Variants in FEZ2 observed in about 807,000 individuals in gnomAD.
FEZ2 encodes the protein fasciculation and elongation protein zeta-2.
FEZ2 carries 51 observed loss-of-function variants against 40.4 expected under a neutral mutation model. The observed-to-expected ratio is 1.26, with a 90% CI of 1.01 to 1.59. The LOEUF (loss-of-function observed/expected upper bound fraction) is 1.59. Among genes scored for constraint, FEZ2 ranks in the 40% most tolerant of loss-of-function variants. The probability of loss-of-function intolerance (pLI) is 0.00; values close to 1 mark genes in which losing one functional copy is unlikely to be tolerated. For synonymous variants in FEZ2, 242 were observed against 172.0 expected (o/e 1.41, Z -3.18); for missense variants, 640 against 438.3 (o/e 1.46, Z -4.11).
At chr2:36,569,002 G>T (rs565081489) in intron 5 of FEZ2, among the ~76,000 whole-genome samples, 3 of 152,262 alleles carry the variant, frequency 2.0e-5, no homozygotes, top group Non-Finnish European at 4.4e-5. Flanking sequence ...CTCAGAAAAC[G>T]AAAATTCAAG....
At chr2:36,563,936 T>C (rs1668162816) in intron 5 of FEZ2, among the ~76,000 whole-genome samples, 1 of 152,188 alleles carries the variant, frequency 6.6e-6, no homozygotes, top group Non-Finnish European at 1.5e-5. Context: ...ATCCCTTAAA[T>C]GCCAGTGTTC....
chr2:36,585,709 C>A (rs1347494099), intron 2 of FEZ2, among the ~76,000 whole-genome samples: 1 of 152,062 alleles, frequency 6.6e-6, no homozygotes, highest in Non-Finnish European at 1.5e-5. Context: ...GTCAACTGTG[C>A]ACATTTAAAT....
At chr2:36,575,544 T>C (rs1268228553) in intron 5 of FEZ2, among the ~76,000 whole-genome samples, 1 of 152,198 alleles carries the variant, frequency 6.6e-6, no homozygotes, top group Admixed American at 6.5e-5. Flanking sequence ...GCTGAATGAA[T>C]GAATATTGTT....
chr2:36,591,324 T>C (rs1669067024), intron 1 of FEZ2: 2 of 248,250 alleles, frequency 8.1e-6, no homozygotes, highest in Admixed American at 5.2e-5. Context: ...TATTAACTCA[T>C]GTAATCTTCA....
At chr2:36,593,184 G>C (rs1245472379) in intron 1 of FEZ2, among the ~76,000 whole-genome samples, 1 of 152,216 alleles carries the variant, frequency 6.6e-6, no homozygotes, top group Non-Finnish European at 1.5e-5. Flanking sequence ...ACATGGCTGA[G>C]GAGGCCTCAG....
At chr2:36,593,218 A>T (rs985251014) in intron 1 of FEZ2, among the ~76,000 whole-genome samples, 2 of 152,190 alleles carry the variant, frequency 1.3e-5, no homozygotes, top group African/African-American at 2.4e-5. Context: ...GACAAAAGGC[A>T]CTTCTTACAT....
intron 2 of FEZ2, among the ~76,000 whole-genome samples, chr2:36,588,922 T>A (rs1463834823): frequency 6.6e-6 from 1 of 152,212 alleles, no homozygotes; most frequent in East Asian, 1.9e-4. Context: ...ACTTTGAAAC[T>A]ATGAATGGAA....
At chr2:36,590,838 C>T (rs1179012905) in intron 2 of FEZ2, 65 bp downstream of exon 2, 1 of 936,172 alleles carries the variant, frequency 1.1e-6, no homozygotes, top group Non-Finnish European at 1.7e-6. Context: ...AGCAGAAATG[C>T]TACTGTTTTA....
intron 1 of FEZ2, among the ~76,000 whole-genome samples, chr2:36,595,182 C>G (rs775261196): frequency 3.3e-5 from 5 of 151,998 alleles, no homozygotes; most frequent in African/African-American, 7.3e-5. Context: ...AATGAAGTGC[C>G]AAGGGTCGGG....
chr2:36,569,396 T>C (rs1668343051), intron 5 of FEZ2, among the ~76,000 whole-genome samples: 5 of 152,226 alleles, frequency 3.3e-5, no homozygotes, highest in Admixed American at 1.3e-4. Flanking sequence ...AAATCCCCGA[T>C]TATAGTTCCT....
At position 36,581,074 on chromosome 2, in the gene FEZ2, G is replaced by A. The variant is rs140700258; in HGVS notation, c.634+216C>T. Reference sequence around the variant, plus strand: ...GGCTGAGGCAGAATTGCTTGAACCCGGGAGGCACAGGTTGCAGTGAGCTGA... The same window carrying A: ...GGCTGAGGCAGAATTGCTTGAACCCAGGAGGCACAGGTTGCAGTGAGCTGA... On this transcript the variant is annotated intron_variant, in intron 4 of 7. Coordinates refer to ENST00000405912, the MANE Select transcript of FEZ2 (RefSeq NM_005102.3). Among the ~76,000 whole-genome samples, 242 of 152,230 alleles carry A rather than the reference G, an allele frequency of 1.6e-3. 1 individual carries two copies. The East Asian group carries it at 0.025, about 16-fold the overall frequency.
intron 6 of FEZ2, chr2:36,557,469 T>C (rs943157868): frequency 6.6e-6 from 1 of 152,214 alleles, no homozygotes; most frequent in African/African-American, 2.4e-5. Context: ...AGGTTTTCCT[T>C]GCCCATTCCT....
intron 5 of FEZ2, among the ~76,000 whole-genome samples, chr2:36,572,834 G>A (rs1000055876): frequency 6.6e-6 from 1 of 152,194 alleles, no homozygotes; most frequent in East Asian, 1.9e-4. Flanking sequence ...TATAACATGA[G>A]CTGAGTCACA....
chr2:36,584,271 A>C (rs1573025257), intron 2 of FEZ2, among the ~76,000 whole-genome samples: 3 of 152,234 alleles, frequency 2.0e-5, no homozygotes, highest in Admixed American at 2.0e-4. Flanking sequence ...GACTTCTCCC[A>C]CAAGGCCAAT....
intron 1 of FEZ2, 175 bp from the exon 2 acceptor site, chr2:36,591,186 A>T: frequency 1.7e-6 from 1 of 594,334 alleles, no homozygotes; most frequent in Admixed American, 3.0e-5. Context: ...AAACGAGGTG[A>T]AAAATCACAT....
intron 1 of FEZ2, among the ~76,000 whole-genome samples, chr2:36,596,080 C>A (rs59244078): frequency 1.3e-3 from 198 of 152,266 alleles, no homozygotes; most frequent in Middle Eastern, 6.8e-3. Context: ...AAATTATCTT[C>A]TCTTTGGGAA....
chr2:36,567,257 G>A (rs1308182143), intron 5 of FEZ2, among the ~76,000 whole-genome samples: 1 of 151,362 alleles, frequency 6.6e-6, no homozygotes, highest in African/African-American at 2.4e-5. Context: ...ACTTCTTGCA[G>A]GAGAGAAAGA....
At chr2:36,554,143 G>A in intron 7 of FEZ2, 1 of 465,410 alleles carries the variant, frequency 2.1e-6, no homozygotes, top group Non-Finnish European at 4.5e-6. Context: ...TCAGAAGCAG[G>A]TACAGTATAG....
chr2:36,561,180 A>G (rs1668083987), intron 5 of FEZ2, among the ~76,000 whole-genome samples: 1 of 152,260 alleles, frequency 6.6e-6, no homozygotes, highest in Non-Finnish European at 1.5e-5. Flanking sequence ...TTTACTGTGT[A>G]ATTTTTAAGA....
Sources: allele counts gnomAD v4.1 joint callset (sites outside exome capture counted in the v4.1 genomes callset), GRCh38; gene constraint gnomAD v4.1.1; transcripts MANE v1.5; gene names NCBI Gene and HGNC (gene_info 2026-07-23, HGNC 2026-07-21).